BCL9: variants seen among roughly 807,000 people sequenced by gnomAD.
The protein encoded by BCL9 is B-cell CLL/lymphoma 9 protein.
In BCL9, 25 loss-of-function variants were observed where a neutral mutation model predicts 88.5. The ratio of observed to expected loss-of-function variants is 0.28; its 90% confidence interval spans 0.21 to 0.39. The LOEUF (loss-of-function observed/expected upper bound fraction) is 0.39, where lower values mean the gene tolerates loss of function less well. Ranked by LOEUF, BCL9 falls within the 10% of genes least tolerant of loss-of-function variation. The pLI is 1.00. For missense variants in BCL9, 1,817 were observed against 1,877.8 expected, an observed-to-expected ratio of 0.97 and a Z score of 0.60; for synonymous variants, 711 against 673.3, an observed-to-expected ratio of 1.06 and a Z score of -0.87.
At chr1:147,581,869 C>G (rs587751493) in intron 1 of BCL9, among the ~76,000 whole-genome samples, 20 of 152,252 alleles carry the variant, frequency 1.3e-4, no homozygotes, top group African/African-American at 4.1e-4. Flanking sequence ...CTTTTCTTCT[C>G]TGACTATTCT....
At chr1:147,609,272 T>C (rs1553202345) in intron 3 of BCL9, among the ~76,000 whole-genome samples, 1 of 152,202 alleles carries the variant, frequency 6.6e-6, no homozygotes, top group East Asian at 1.9e-4. Context: ...CTATAGAAGA[T>C]GTTTGGCAGA....
Position 147,613,007 on chromosome 1 carries a change from C to A in BCL9, c.178C>A (p.Gln60Lys), listed in dbSNP as rs587615020. 6.2e-7 allele frequency: 1 copy of A among 1,604,004 alleles called. No individual in the cohort carries two copies. The highest frequency in any genetic ancestry group is 1.1e-5 in the South Asian group (1 of 89,488). Reference sequence around the variant, plus strand: ...ACAGGGGGGCTCAGCCAGCCAATCCCAGCCATCCCCCTGTGACTCCAAGAG... The same window carrying A: ...ACAGGGGGGCTCAGCCAGCCAATCCAAGCCATCCCCCTGTGACTCCAAGAG... ...GKQGGSASQS[Q>K]PSPCDSKSGG... Residue 60 changes from glutamine to lysine, a missense_variant, in exon 5 of 10, where the codon CAG becomes AAG. Physicochemically the swap from Gln to Lys is moderately conservative, Grantham distance 53. This residue lies in a region of BCL9 where 1,228 missense variants were observed against 1,191.6 expected (regional missense o/e 1.03). Coordinates refer to ENST00000234739, the MANE Select transcript of BCL9 (RefSeq NM_004326.4).
At chr1:147,566,219 A>G (rs1432827287) in intron 1 of BCL9, among the ~76,000 whole-genome samples, 2 of 152,190 alleles carry the variant, frequency 1.3e-5, no homozygotes, top group Non-Finnish European at 2.9e-5. Flanking sequence ...TTCACTGTGT[A>G]GTTTCTCTAT....
intron 1 of BCL9, among the ~76,000 whole-genome samples, chr1:147,562,656 A>G (rs966788116): frequency 2.0e-5 from 3 of 152,194 alleles, no homozygotes; most frequent in Non-Finnish European, 4.4e-5. Context: ...GGATTTGGGA[A>G]TAGACTGAAT....
intron 8 of BCL9, among the ~76,000 whole-genome samples, chr1:147,621,273 TAAAAGG>T (rs1658625617): frequency 1.3e-5 from 2 of 152,032 alleles, no homozygotes; most frequent in African/African-American, 4.8e-5. Flanking sequence ...GAGAGACTGT[TAAAAGG>T]AAGAGGGGAA....
chr1:147,570,004 ACT>A (rs1553197185), intron 1 of BCL9, among the ~76,000 whole-genome samples: 1 of 152,136 alleles, frequency 6.6e-6, no homozygotes, highest in Non-Finnish European at 1.5e-5. Context: ...GAATATAAAG[ACT>A]CTGTGGGACA....
chr1:147,551,330 G>T (rs1468087756), intron 1 of BCL9, among the ~76,000 whole-genome samples: 2 of 152,170 alleles, frequency 1.3e-5, no homozygotes, highest in Non-Finnish European at 2.9e-5. Context: ...ATTGCTAAGT[G>T]ACTGAGTCAA....
intron 1 of BCL9, among the ~76,000 whole-genome samples, chr1:147,554,381 G>A (rs1259804236): frequency 6.6e-6 from 1 of 152,226 alleles, no homozygotes; most frequent in African/African-American, 2.4e-5. Flanking sequence ...TAAAGGGAAA[G>A]ATGACATTGT....
chr1:147,542,533 T>A (rs1421518175), intron 1 of BCL9, among the ~76,000 whole-genome samples: 1 of 152,186 alleles, frequency 6.6e-6, no homozygotes, highest in Non-Finnish European at 1.5e-5. Context: ...AGTGTTATCA[T>A]TATTCTTGAT....
intron 1 of BCL9, among the ~76,000 whole-genome samples, chr1:147,564,047 G>A (rs1655497991): frequency 6.6e-6 from 1 of 152,140 alleles, no homozygotes; most frequent in Non-Finnish European, 1.5e-5. Context: ...GTGAAAGGGT[G>A]GGAATCTTCA....
At chr1:147,577,834 ATGTG>A (rs67428703) in intron 1 of BCL9, among the ~76,000 whole-genome samples, 3,910 of 141,104 alleles carry the variant, frequency 0.028, 63 homozygotes, top group African/African-American at 0.04. Context: ...TTTTCTACCA[ATGTG>A]TGTGTGTGTG....
chr1:147,618,760 T>C lies in BCL9; in HGVS notation c.661-56T>C, dbSNP rs1001808980. ...TCCTTTATAACATATCTTGCTCTTT[T>C]AATTGCCCTTCTGTTCAGTTTACTA... On this transcript the variant is annotated intron_variant, in intron 7 of 9. Coordinates refer to ENST00000234739, the MANE Select transcript of BCL9 (RefSeq NM_004326.4). 1.7e-5 allele frequency: 25 copies of C among 1,428,840 alleles called. 1 individual carries two copies. The highest frequency in any genetic ancestry group is 2.2e-5 in the Non-Finnish European group (24 of 1,076,764). The allele number at this position is 1,428,840 out of a possible 1,614,324, so 88.5% of individuals were successfully genotyped here.
chr1:147,563,142 G>C (rs1413437572), intron 1 of BCL9, among the ~76,000 whole-genome samples: 12 of 152,284 alleles, frequency 7.9e-5, no homozygotes, highest in African/African-American at 2.6e-4. Flanking sequence ...TCAGAGAGCC[G>C]TTCCTAACCA....
At chr1:147,611,996 C>T in intron 4 of BCL9, 107 bp downstream of exon 4, 2 of 1,179,064 alleles carry the variant, frequency 1.7e-6, no homozygotes, top group Admixed American at 2.0e-5. Flanking sequence ...TAAATGAAAC[C>T]CAAATGGGAA....
intron 3 of BCL9, among the ~76,000 whole-genome samples, chr1:147,609,135 G>A (rs1310156422): frequency 1.3e-5 from 2 of 152,160 alleles, no homozygotes; most frequent in African/African-American, 4.8e-5. Context: ...GTTAGGAGAT[G>A]TAGTTATGTT....
chr1:147,597,996 G>A (rs1657127183), intron 1 of BCL9, among the ~76,000 whole-genome samples: 1 of 152,214 alleles, frequency 6.6e-6, no homozygotes, highest in African/African-American at 2.4e-5. Flanking sequence ...GCTGAGCAGA[G>A]GTGATCTGGT....
In BCL9 at chr1:147,620,495, C is replaced by T. The variant is rs1553205056; in HGVS notation, c.2340C>T (p.Gly780=). 3 of 1,614,110 alleles carry T rather than the reference C, an allele frequency of 1.9e-6. No homozygotes were observed. The highest frequency in any genetic ancestry group is 1.1e-5 in the South Asian group (1 of 91,070). The change falls in exon 8 of 10, where the codon GGC becomes GGT. Residue 780 remains glycine, a synonymous_variant. Transcript: ENST00000234739. ...GEHPQQEYGM[G]PRPFLPMSQG... ...ACCCCCAGCAGGAGTATGGCATGGG[C>T]CCCAGACCATTCCTTCCCATGTCTC... is the stretch of plus-strand genomic sequence containing the variant.
At chr1:147,616,623 C>T (rs782020987) in intron 7 of BCL9, among the ~76,000 whole-genome samples, 7 of 152,188 alleles carry the variant, frequency 4.6e-5, no homozygotes, top group East Asian at 1.9e-4. Context: ...AAAAATTAGC[C>T]GGGCATGCTG....
intron 1 of BCL9, among the ~76,000 whole-genome samples, chr1:147,583,570 G>T (rs1222281612): frequency 1.3e-5 from 2 of 151,984 alleles, no homozygotes; most frequent in Admixed American, 6.6e-5. Context: ...GAGCCACTAT[G>T]CCCAGCCTAG....
Sources: allele counts gnomAD v4.1 joint callset (sites outside exome capture counted in the v4.1 genomes callset), GRCh38; gene constraint gnomAD v4.1.1; regional missense constraint gnomAD v4.1.1; transcripts MANE v1.5; gene names NCBI Gene and HGNC (gene_info 2026-07-23, HGNC 2026-07-21).